Variants in APBB2 observed in about 807,000 individuals in gnomAD.
APBB2 encodes amyloid beta precursor protein binding family B member 2, also known as Fe65-like 1.
Under a neutral mutation model 82.5 loss-of-function variants are expected in APBB2, and 38 were observed. The ratio of observed to expected loss-of-function variants is 0.46; its 90% CI spans 0.36 to 0.60. APBB2 has a LOEUF of 0.60. Among genes scored for constraint, APBB2 ranks in the 20% least tolerant of loss-of-function variants. The probability of loss-of-function intolerance (pLI) is 0.00; values close to 1 mark genes in which losing one functional copy is unlikely to be tolerated. For missense variants in APBB2, 772 were observed against 972.3 expected (o/e 0.79, Z 2.74); for synonymous variants, 341 against 368.2 (o/e 0.93, Z 0.85).
intron 2 of APBB2, among the ~76,000 whole-genome samples, chr4:41,125,576 A>C (rs1754144482): frequency 1.3e-5 from 2 of 152,176 alleles, no homozygotes; most frequent in African/African-American, 4.8e-5. Flanking sequence ...CACAGACTCC[A>C]CTTGCCCTAC....
chr4:41,157,065 CAAAA>C (rs1302613201), intron 1 of APBB2, among the ~76,000 whole-genome samples: 1 of 72,810 alleles, frequency 1.4e-5, no homozygotes, highest in Non-Finnish European at 2.9e-5. Flanking sequence ...GACTCTGTCT[CAAAA>C]AAAAAAAAAA....
intron 4 of APBB2, among the ~76,000 whole-genome samples, chr4:41,049,489 G>A (rs532014277): frequency 0.18 from 19,200 of 107,734 alleles, 1,868 homozygotes; most frequent in African/African-American, 0.21. Context: ...CCGGCCAGCC[G>A]CCCCGTCCGG....
intron 7 of APBB2, among the ~76,000 whole-genome samples, chr4:40,943,289 T>C (rs1787523576): frequency 6.6e-6 from 1 of 152,214 alleles, no homozygotes; most frequent in African/African-American, 2.4e-5. Flanking sequence ...CCTGGTGTTC[T>C]CTGGCTATAG....
At chr4:40,991,175 C>CTTTT (rs58342460) in intron 6 of APBB2, among the ~76,000 whole-genome samples, 18 of 90,494 alleles carry the variant, frequency 2.0e-4, no homozygotes, top group African/African-American at 6.0e-4. Context: ...GTGTGTTTTG[C>CTTTT]TTTTTTTTTT....
At position 40,953,461 on chromosome 4, in the gene APBB2, G is replaced by A. The variant is rs77881092; in HGVS notation, c.836-8388C>T. Among the ~76,000 whole-genome samples the A allele has an allele frequency of 4.6e-3, 707 of 152,142 alleles. 4 individuals are homozygous for A. The highest frequency in any genetic ancestry group is 8.0e-3 in the Non-Finnish European group (541 of 67,990). ...TGGCTTGACCATGGTCAACTGGTGT[G>A]TCATTGCACCGAGATTCGCCCGCAG... On this transcript the variant is annotated intron_variant, in intron 6 of 17. Coordinates refer to ENST00000508593, the MANE Select transcript of APBB2 (RefSeq NM_004307.2).
intron 4 of APBB2, among the ~76,000 whole-genome samples, chr4:41,049,820 C>G (rs183285847): frequency 4.5e-4 from 69 of 152,310 alleles, no homozygotes; most frequent in Admixed American, 9.2e-4. Flanking sequence ...TGCCTTACCC[C>G]CAACCCGGTG....
At chr4:40,954,448 C>T (rs1449793688) in intron 6 of APBB2, among the ~76,000 whole-genome samples, 1 of 152,128 alleles carries the variant, frequency 6.6e-6, no homozygotes, top group Non-Finnish European at 1.5e-5. Flanking sequence ...GTGCCAGACA[C>T]TGGTTTAAAG....
At chr4:40,889,348 A>G (rs747394328) in intron 12 of APBB2, among the ~76,000 whole-genome samples, 6 of 152,246 alleles carry the variant, frequency 3.9e-5, no homozygotes, top group Admixed American at 3.9e-4. Context: ...GTTGGTTGAC[A>G]AAGGCTGTGA....
At chr4:40,817,027 A>G (rs925580152) in intron 17 of APBB2, among the ~76,000 whole-genome samples, 1 of 152,332 alleles carries the variant, frequency 6.6e-6, no homozygotes, top group East Asian at 1.9e-4. Flanking sequence ...CTGGTTTTGC[A>G]TAATGGGAAG....
chr4:41,059,884 G>C (rs534424559), intron 4 of APBB2, among the ~76,000 whole-genome samples: 29 of 151,780 alleles, frequency 1.9e-4, no homozygotes, highest in African/African-American at 6.8e-4. Context: ...GAGTCTCCCC[G>C]ACCAAGCTGG....
At chr4:40,911,270 G>C (rs951341030) in intron 10 of APBB2, among the ~76,000 whole-genome samples, 1 of 152,158 alleles carries the variant, frequency 6.6e-6, no homozygotes, top group Non-Finnish European at 1.5e-5. Flanking sequence ...AGTATGCGTG[G>C]ATCTGGTATA....
chr4:40,871,151 A>AT (rs893759801), intron 12 of APBB2, among the ~76,000 whole-genome samples: 4 of 150,506 alleles, frequency 2.7e-5, no homozygotes, highest in East Asian at 3.9e-4. Flanking sequence ...GCACCCGTTT[A>AT]TTTTTTTTGA....
At chr4:40,856,734 A>G (rs1761310414) in intron 12 of APBB2, among the ~76,000 whole-genome samples, 1 of 152,216 alleles carries the variant, frequency 6.6e-6, no homozygotes, top group Admixed American at 6.5e-5. Context: ...CACCCCGAAC[A>G]GTCCTGCTGC....
intron 3 of APBB2, among the ~76,000 whole-genome samples, chr4:41,078,242 T>C (rs576425247): frequency 3.1e-4 from 47 of 152,286 alleles, no homozygotes; most frequent in African/African-American, 1.1e-3. Flanking sequence ...TATAAACATA[T>C]TAATTTGCTA....
chr4:40,920,476 GTTACATGT>G (rs1348138754), intron 10 of APBB2, among the ~76,000 whole-genome samples: 13 of 152,168 alleles, frequency 8.5e-5, no homozygotes, highest in Admixed American at 8.5e-4. Flanking sequence ...CTTTAAAACA[GTTACATGT>G]CTTTAGGTGA....
At chr4:41,212,445 T>G (rs1351874330) in intron 1 of APBB2, among the ~76,000 whole-genome samples, 1 of 152,126 alleles carries the variant, frequency 6.6e-6, no homozygotes, top group East Asian at 1.9e-4. Context: ...GCTCAAGCAA[T>G]CCTCCCACCT....
chr4:40,947,197 A>G (rs1459224030), intron 6 of APBB2, among the ~76,000 whole-genome samples: 3 of 152,224 alleles, frequency 2.0e-5, no homozygotes, highest in Admixed American at 2.0e-4. Flanking sequence ...GGTTAGATAC[A>G]TAGGTTTTGG....
At chr4:41,191,649 C>A (rs1162629150) in intron 1 of APBB2, among the ~76,000 whole-genome samples, 1 of 152,090 alleles carries the variant, frequency 6.6e-6, no homozygotes, top group East Asian at 1.9e-4. Context: ...AAACATAATA[C>A]CCGAAACCAT....
intron 1 of APBB2, among the ~76,000 whole-genome samples, chr4:41,195,976 C>T: frequency 6.6e-5 from 10 of 152,242 alleles, no homozygotes; most frequent in East Asian, 1.9e-4. Flanking sequence ...CTGGCTAACA[C>T]GGTGAAACCC....
Sources: gnomAD v4.1 joint callset for allele counts (sites outside exome capture counted in the v4.1 genomes callset) on GRCh38, gnomAD v4.1.1 for gene constraint, MANE v1.5 for transcripts, NCBI Gene and HGNC (gene_info 2026-07-23, HGNC 2026-07-21) for gene names.